Variants in LY6K observed in about 807,000 individuals in gnomAD.
LY6K encodes the protein lymphocyte antigen 6 family member K, also known as lymphocyte antigen 6K.
LY6K carries 9 observed loss-of-function variants against 10.4 expected under a neutral mutation model. That is an observed-to-expected ratio of 0.87 (90% CI 0.52 to 1.52). LY6K has a LOEUF of 1.52. LY6K is among the 40% of genes most tolerant of loss of function. LY6K has a pLI of 0.00. For synonymous variants in LY6K, 98 were observed against 83.7 expected (o/e 1.17, Z -0.94); for missense variants, 217 against 211.7 (o/e 1.02, Z -0.15).
In LY6K at chr8:142,704,624, A is replaced by G. The variant is rs1384870843; in HGVS notation, c.*1253A>G. 2.0e-5 allele frequency: 3 copies of G among 152,238 alleles called. No individual in the cohort carries two copies. The highest frequency in any genetic ancestry group is 2.1e-4 in the South Asian group (1 of 4,832). 9.4% of individuals were successfully genotyped at this position (152,238 alleles called of 1,614,324 possible). A position where few individuals can be genotyped will look rare whatever the true frequency, so the allele number is the denominator to read the frequency against. ...TGTTCTTTGGCCCTCCAGAAAGTCA[A>G]TAAGCAAGATGCCTTGAGCATTCAC... On this transcript the variant is annotated 3_prime_UTR_variant, in exon 3 of 3. Transcript: ENST00000292430.
chr8:142,703,397 C>T lies in LY6K; in HGVS notation c.*26C>T. 2 of 1,591,490 alleles carry T rather than the reference C, an allele frequency of 1.3e-6. No homozygotes were observed. Among genetic ancestry groups the T allele is most frequent in the East Asian group, 2.2e-5 (1 of 44,510 alleles). On this transcript the variant is annotated 3_prime_UTR_variant, in exon 3 of 3. Coordinates refer to ENST00000292430, the MANE Select transcript of LY6K (RefSeq NM_017527.4). ...GCCACGGGACTGCCACAGACTGAGC[C>T]TTCCGGAGCATGGACTCGCTCCAGA...
chr8:142,702,970 A>C, intron 2 of LY6K, 121 bp from the exon 3 acceptor site: 1 of 1,556,294 alleles, frequency 6.4e-7, no homozygotes, highest in Non-Finnish European at 8.7e-7. Flanking sequence ...TTGGTGCCCC[A>C]GTTGACTGTG....
chr8:142,703,068 T>G (rs1815102860), intron 2 of LY6K, 23 bp from the exon 3 acceptor site: 1 of 1,611,916 alleles, frequency 6.2e-7, no homozygotes, highest in African/African-American at 1.3e-5. Context: ...GATTGCCTTC[T>G]CTCGGTCTTT....
Position 142,701,705 on chromosome 8 carries a change from C to G in LY6K, c.209C>G (p.Ala70Gly), listed in dbSNP as rs146317062. The G allele has an allele frequency of 3.1e-6, 5 of 1,610,482 alleles. No homozygotes were observed. In the African/African-American group the frequency reaches 5.3e-5, roughly 17 times the overall value. The change falls in exon 2 of 3, where the codon GCG (alanine) becomes GGG (glycine). Residue 70 changes from alanine to glycine, a missense_variant. Physicochemically the swap from Ala to Gly is moderately conservative, Grantham distance 60. Coordinates refer to ENST00000292430, the MANE Select transcript of LY6K (RefSeq NM_017527.4). The part of the protein sequence containing the change: ...CKWTEPYCVI[A>G]AVKIFPRFFM... The stretch of plus-strand genomic sequence containing the variant: ...TGGACAGAGCCATACTGCGTTATAG[C>G]GGCCGTGAGTGAGTATCTTCGCTCT...
intron 2 of LY6K, chr8:142,702,299 CA>C: frequency 1.7e-6 from 1 of 579,254 alleles, no homozygotes. Flanking sequence ...AAATGCGCCA[CA>C]GAGAACAGTG....
intron 2 of LY6K, chr8:142,702,670 A>G: frequency 2.0e-6 from 3 of 1,517,212 alleles, no homozygotes; most frequent in Non-Finnish European, 2.7e-6. Context: ...TATAAGATGA[A>G]GTGTGGTCAT....
rs111825261 is a variant in LY6K, at chr8:142,701,137, C to T, written c.104-463C>T. On this transcript the variant is annotated intron_variant, in intron 1 of 2. Transcript: ENST00000292430. ...CGGGAGATGCCAGGGCCCGTGGGTGCCGCGTGGCCGACCTGGGGTCAGGGT... is the reference window on the plus strand; with the variant it reads ...CGGGAGATGCCAGGGCCCGTGGGTGTCGCGTGGCCGACCTGGGGTCAGGGT... Among the ~76,000 whole-genome samples, 1,193 of 152,006 alleles carry T rather than the reference C, an allele frequency of 7.8e-3. 21 individuals are homozygous for T. Among genetic ancestry groups the T allele is most frequent in the African/African-American group, 0.027 (1,098 of 41,250 alleles).
Position 142,703,714 on chromosome 8 carries a change from C to T in LY6K, c.*343C>T, listed in dbSNP as rs782079358. The T allele has an allele frequency of 6.0e-4, 182 of 305,064 alleles. 1 individual carries two copies. The highest frequency in any genetic ancestry group is 9.6e-4 in the Non-Finnish European group (155 of 161,762). 18.9% of individuals were successfully genotyped at this position (305,064 alleles called of 1,614,324 possible). On this transcript the variant is annotated 3_prime_UTR_variant, in exon 3 of 3. Coordinates refer to ENST00000292430, the MANE Select transcript of LY6K (RefSeq NM_017527.4). The stretch of plus-strand genomic sequence containing the variant: ...TTGATGGGGAGGGAGGCCTAAGTAC[C>T]ACTCATGGAGAGTATGTGCTGAGAT...
chr8:142,702,585 A>T, intron 2 of LY6K: 1 of 1,535,578 alleles, frequency 6.5e-7, no homozygotes, highest in Non-Finnish European at 8.7e-7. Context: ...TGGGGTGCTG[A>T]GGTGATGCTT....
At chr8:142,702,962 G>C (rs782449438) in intron 2 of LY6K, 129 bp from the exon 3 acceptor site, 1 of 1,554,086 alleles carries the variant, frequency 6.4e-7, no homozygotes, top group Non-Finnish European at 8.7e-7. Context: ...ACTCCCCCTT[G>C]GTGCCCCAGT....
intron 1 of LY6K, among the ~76,000 whole-genome samples, chr8:142,701,225 G>C (rs1307570815): frequency 6.6e-6 from 1 of 152,212 alleles, no homozygotes; most frequent in Non-Finnish European, 1.5e-5. Context: ...GGAGGACGGG[G>C]GAGCCCCCAG....
rs587666065 is a variant in LY6K, at chr8:142,700,493, C to T, written c.-35C>T. ...TTCCAGAAGGGCGGGGAGGGGGCGCCGCGCGCTGACCCTCCCTGGGCACCG... is the reference window on the plus strand; with the variant it reads ...TTCCAGAAGGGCGGGGAGGGGGCGCTGCGCGCTGACCCTCCCTGGGCACCG... On this transcript the variant is annotated 5_prime_UTR_variant, in exon 1 of 3. Coordinates refer to ENST00000292430, the MANE Select transcript of LY6K (RefSeq NM_017527.4). The T allele has an allele frequency of 5.8e-6, 9 of 1,548,062 alleles. No homozygotes were observed. In the African/African-American group the frequency reaches 7.1e-5, roughly 12 times the overall value.
chr8:142,700,593 T>C lies in LY6K; in HGVS notation c.66T>C (p.Thr22=). The change falls in exon 1 of 3, where the codon ACT becomes ACC. Residue 22 remains threonine (T), a synonymous_variant. Coordinates refer to ENST00000292430, the MANE Select transcript of LY6K (RefSeq NM_017527.4). The stretch of plus-strand genomic sequence containing the variant: ...GGGTGTGGACAGACGCCAACCTGAC[T>C]GCGAGACAACGAGATCCAGAGGACT... ...LPRVWTDANL[T]ARQRDPEDSQ... 1 of 1,576,152 alleles carries C rather than the reference T, an allele frequency of 6.3e-7. No homozygotes were observed. The highest frequency in any genetic ancestry group is 2.5e-5 in the East Asian group (1 of 40,532).
At position 142,700,479 on chromosome 8, in the gene LY6K, C is replaced by A. The variant is rs373958571; in HGVS notation, c.-49C>A. ...GGAGGCTGCGAAGGTTCCAGAAGGGCGGGGAGGGGGCGCCGCGCGCTGACC... is the reference window on the plus strand; with the variant it reads ...GGAGGCTGCGAAGGTTCCAGAAGGGAGGGGAGGGGGCGCCGCGCGCTGACC... On this transcript the variant is annotated 5_prime_UTR_variant, in exon 1 of 3. Coordinates refer to ENST00000292430, the MANE Select transcript of LY6K (RefSeq NM_017527.4). 240 of 1,535,870 alleles carry A rather than the reference C, an allele frequency of 1.6e-4. No homozygotes were observed. The African/African-American group carries it at 3.1e-3, about 20-fold the overall frequency.
At position 142,704,790 on chromosome 8, in the gene LY6K, A is replaced by G. The variant is rs1815154599; in HGVS notation, c.*1419A>G. ...TAAGCCACATTTCATCTCCGGCTATAATTATATGAAGAAATGCTTCAGGAT... is the reference window on the plus strand; with the variant it reads ...TAAGCCACATTTCATCTCCGGCTATGATTATATGAAGAAATGCTTCAGGAT... On this transcript the variant is annotated 3_prime_UTR_variant, in exon 3 of 3. Transcript: ENST00000292430. The G allele has an allele frequency of 1.3e-5, 2 of 152,148 alleles. No individual in the cohort carries two copies. The highest frequency in any genetic ancestry group is 1.3e-4 in the Admixed American group (2 of 15,280). The allele number at this position is 152,148 out of a possible 1,614,324, so 9.4% of individuals were successfully genotyped here. A position where few individuals can be genotyped will look rare whatever the true frequency, so the allele number is the denominator to read the frequency against.
rs1554640182 is a variant in LY6K at position 142,701,717 on chromosome 8, A to G, written c.217+4A>G. ...TACTGCGTTATAGCGGCCGTGAGTGAGTATCTTCGCTCTTGTTGGGGACCC... is the reference window on the plus strand; with the variant it reads ...TACTGCGTTATAGCGGCCGTGAGTGGGTATCTTCGCTCTTGTTGGGGACCC... On this transcript the variant is annotated splice_donor_region_variant and intron_variant, in intron 2 of 2. Coordinates refer to ENST00000292430, the MANE Select transcript of LY6K (RefSeq NM_017527.4). 2 of 1,600,720 alleles carry G rather than the reference A, an allele frequency of 1.2e-6. No individual in the cohort carries two copies. The highest frequency in any genetic ancestry group is 8.6e-7 in the Non-Finnish European group (1 of 1,168,674).
chr8:142,700,370 C>A lies in LY6K; in HGVS notation c.-158C>A. The A allele has an allele frequency of 6.0e-6, 8 of 1,335,032 alleles. No individual in the cohort carries two copies. Among genetic ancestry groups the A allele is most frequent in the Non-Finnish European group, 7.6e-6 (8 of 1,046,834 alleles). The allele number at this position is 1,335,032 out of a possible 1,614,324, so 82.7% of individuals were successfully genotyped here. A position where few individuals can be genotyped will look rare whatever the true frequency, so the allele number is the denominator to read the frequency against. On this transcript the variant is annotated 5_prime_UTR_variant, in exon 1 of 3. Transcript: ENST00000292430. ...GGCCCTGAGATGAGGCTCCAAAGAC[C>A]CCGACAGGCCCCGGCGGGTGGGAGG...
At chr8:142,702,681 G>T in intron 2 of LY6K, 1 of 1,514,226 alleles carries the variant, frequency 6.6e-7, no homozygotes. Context: ...GTGTGGTCAT[G>T]AGACAAGACC....
intron 1 of LY6K, among the ~76,000 whole-genome samples, chr8:142,701,219 G>A (rs1018506019): frequency 6.6e-6 from 1 of 152,218 alleles, no homozygotes; most frequent in African/African-American, 2.4e-5. Flanking sequence ...GATGTGGGAG[G>A]ACGGGGGAGC....
Sources: gnomAD v4.1 joint callset for allele counts (sites outside exome capture counted in the v4.1 genomes callset) on GRCh38, gnomAD v4.1.1 for gene constraint, MANE v1.5 for transcripts, NCBI Gene and HGNC (gene_info 2026-07-23, HGNC 2026-07-21) for gene names.